UBAP1L: variants seen among roughly 807,000 people sequenced by gnomAD.
UBAP1L encodes ubiquitin-associated protein 1-like.
Under a neutral mutation model 32.1 loss-of-function variants are expected in UBAP1L, and 32 were observed. The observed-to-expected ratio is 1.00, with a 90% CI of 0.75 to 1.34. The LOEUF (loss-of-function observed/expected upper bound fraction) is 1.34, where lower values mean the gene tolerates loss of function less well. Ranked by LOEUF, UBAP1L falls within the 40% of genes most tolerant of loss-of-function variation. The pLI is 0.00. For synonymous variants in UBAP1L, 243 were observed against 250.2 expected (o/e 0.97, Z 0.27); for missense variants, 516 against 540.5 (o/e 0.95, Z 0.45).
chr15:65,109,355 C>T lies in UBAP1L; in HGVS notation c.-173-2967G>A, dbSNP rs544201740. Among the ~76,000 whole-genome samples the T allele has an allele frequency of 2.7e-3, 400 of 148,752 alleles. 1 individual carries two copies. Among genetic ancestry groups the T allele is most frequent in the Non-Finnish European group, 4.3e-3 (287 of 66,502 alleles). ...AAAATTAGCTGGGCATAGTGGTGGG[C>T]GCCTGTAGTCCCAGCTACTCAGGAG... On this transcript the variant is annotated intron_variant, in intron 1 of 5. Transcript: ENST00000559089.
Position 65,092,848 on chromosome 15 carries a change from T to G in UBAP1L, c.*249A>C. ...CAGTGTAAAGAGTCAAATCAGGTGG[T>G]TTCACAGGCATGCATGAAGAACATA... On this transcript the variant is annotated 3_prime_UTR_variant, in exon 6 of 6. Transcript: ENST00000559089. 1 of 529,194 alleles carries G rather than the reference T, an allele frequency of 1.9e-6. No homozygotes were observed. Among genetic ancestry groups the G allele is most frequent in the Non-Finnish European group, 3.3e-6 (1 of 305,244 alleles). 32.8% of individuals were successfully genotyped at this position (529,194 alleles called of 1,614,324 possible). A position where few individuals can be genotyped will look rare whatever the true frequency, so the allele number is the denominator to read the frequency against.
Position 65,094,472 on chromosome 15 carries a change from G to A in UBAP1L, c.1011+3C>T. 6.5e-7 allele frequency: 1 copy of A among 1,548,764 alleles called. No homozygotes were observed. The highest frequency in any genetic ancestry group is 8.7e-7 in the Non-Finnish European group (1 of 1,145,378). On this transcript the variant is annotated splice_donor_region_variant and intron_variant, in intron 5 of 5. Coordinates refer to ENST00000559089, the MANE Select transcript of UBAP1L (RefSeq NM_001163692.2). The surrounding 1 kb of genome is among the most constrained non-coding windows in gnomAD (Gnocchi z 4.2). The stretch of plus-strand genomic sequence containing the variant: ...TGGGGCCCTGGCAGGAAGCCCTGCT[G>A]ACCTGGCTCTCGGAGAACTGGAACA...
At chr15:65,093,970 C>T (rs907778451) in intron 5 of UBAP1L, among the ~76,000 whole-genome samples, 3 of 152,200 alleles carry the variant, frequency 2.0e-5, no homozygotes, top group Non-Finnish European at 4.4e-5. Flanking sequence ...TTGCTTGAAC[C>T]TCGGGGGCAG....
intron 2 of UBAP1L, 138 bp downstream of exon 2, chr15:65,105,958 T>G: frequency 7.9e-7 from 1 of 1,269,664 alleles, no homozygotes; most frequent in East Asian, 2.5e-5. Context: ...ACCCAGCTAA[T>G]TTTTTGTATT....
chr15:65,106,248 T>C lies in UBAP1L; in HGVS notation c.-33A>G. On this transcript the variant is annotated 5_prime_UTR_variant, in exon 2 of 6. Transcript: ENST00000559089. Reference sequence around the variant, plus strand: ...GGAGTGTGGAGATGGCTGGCAGGGCTGGGGCAGGCTGCTTGATGGCAGGGA... The same window carrying C: ...GGAGTGTGGAGATGGCTGGCAGGGCCGGGGCAGGCTGCTTGATGGCAGGGA... The C allele has an allele frequency of 6.6e-7, 1 of 1,513,710 alleles. No homozygotes were observed. 93.8% of individuals were successfully genotyped at this position (1,513,710 alleles called of 1,614,324 possible). A position where few individuals can be genotyped will look rare whatever the true frequency, so the allele number is the denominator to read the frequency against.
Position 65,099,690 on chromosome 15 carries a change from G to A in UBAP1L, c.724C>T (p.Pro242Ser). Residue 242 changes from proline (P) to serine (S), a missense_variant, in exon 4 of 6, where the codon CCA becomes TCA. Coordinates refer to ENST00000559089, the MANE Select transcript of UBAP1L (RefSeq NM_001163692.2). ...GGTTGGGGTGCCCCCCCAAGAGGTG[G>A]CAGACAGGTGTACGGGCTGAGGGAC... ...VASLSPYTCL[P>S]PLGGAPQPLN... 2 of 1,550,866 alleles carry A rather than the reference G, an allele frequency of 1.3e-6. No individual in the cohort carries two copies. Among genetic ancestry groups the A allele is most frequent in the Admixed American group, 3.9e-5 (2 of 50,990 alleles).
In UBAP1L at chr15:65,094,190, A is replaced by G. The variant is rs2087148970; in HGVS notation, c.1011+285T>C. ...ACAAAGAGTGGCCATTCAGTCACAG[A>G]GGCTGTGTTGATTAAGTCTAATAAA... On this transcript the variant is annotated intron_variant, in intron 5 of 5. Coordinates refer to ENST00000559089, the MANE Select transcript of UBAP1L (RefSeq NM_001163692.2). The surrounding 1 kb of genome is among the most constrained non-coding windows in gnomAD (Gnocchi z 4.2). Among the ~76,000 whole-genome samples, 1 of 152,168 alleles carries G rather than the reference A, an allele frequency of 6.6e-6. No homozygotes were observed. The highest frequency in any genetic ancestry group is 2.4e-5 in the African/African-American group (1 of 41,424).
chr15:65,100,441 G>A (rs1423900418), intron 3 of UBAP1L: 1 of 152,266 alleles, frequency 6.6e-6, no homozygotes, highest in Non-Finnish European at 1.5e-5. Context: ...ATGAGCAGGG[G>A]TAGGTCTTCC....
chr15:65,104,240 C>T (rs544668670), intron 2 of UBAP1L, among the ~76,000 whole-genome samples: 8 of 144,120 alleles, frequency 5.6e-5, no homozygotes, highest in Admixed American at 1.4e-4. Flanking sequence ...GGCGACAAAG[C>T]GAGACTCTGT....
chr15:65,103,684 C>G (rs2087270014), intron 2 of UBAP1L, among the ~76,000 whole-genome samples: 1 of 152,178 alleles, frequency 6.6e-6, no homozygotes, highest in South Asian at 2.1e-4. Context: ...TCCCTGAGTT[C>G]CTCTCTGTAT....
chr15:65,108,569 A>T (rs530713075), intron 1 of UBAP1L, among the ~76,000 whole-genome samples: 2 of 151,810 alleles, frequency 1.3e-5, no homozygotes, highest in Non-Finnish European at 2.9e-5. Flanking sequence ...ACAAAGCAAG[A>T]CCCCTATCTC....
At chr15:65,095,576 G>C (rs2087163908) in intron 4 of UBAP1L, 1 of 152,256 alleles carries the variant, frequency 6.6e-6, no homozygotes, top group South Asian at 2.1e-4. Context: ...CTTAGTGGGG[G>C]AGATAAACCA....
intron 4 of UBAP1L, 144 bp downstream of exon 4, chr15:65,099,361 C>T (rs780410889): frequency 8.2e-6 from 7 of 849,938 alleles, no homozygotes; most frequent in African/African-American, 1.7e-5. Context: ...TTAGGACAAC[C>T]CTGAGGGGCC....
At position 65,102,510 on chromosome 15, in the gene UBAP1L, C is replaced by T. The variant is rs377016299; in HGVS notation, c.295G>A (p.Ala99Thr). Residue 99 changes from alanine (A) to threonine (T), a missense_variant, in exon 3 of 6, where the codon GCC becomes ACC. Coordinates refer to ENST00000559089, the MANE Select transcript of UBAP1L (RefSeq NM_001163692.2). The surrounding 1 kb of genome is among the most constrained non-coding windows in gnomAD (Gnocchi z 5.0). ...TCCTCCGGCCTCTCCTGGTGTCCGG[C>T]CTCCGGGTCTCTGATTGTGGTGGGC... The part of the protein sequence containing the change: ...PAPTTIRDPE[A>T]GHQERPEEEG... 27 of 1,476,420 alleles carry T rather than the reference C, an allele frequency of 1.8e-5. No individual in the cohort carries two copies. In the African/African-American group the frequency reaches 3.9e-4, roughly 21 times the overall value. The allele number at this position is 1,476,420 out of a possible 1,614,324, so 91.5% of individuals were successfully genotyped here.
At chr15:65,098,618 G>T (rs948293731) in intron 4 of UBAP1L, 4 of 152,124 alleles carry the variant, frequency 2.6e-5, no homozygotes, top group Non-Finnish European at 5.9e-5. Flanking sequence ...CCTTACTCTT[G>T]GAACCAAGTA....
intron 1 of UBAP1L, among the ~76,000 whole-genome samples, chr15:65,109,378 G>C (rs1442725865): frequency 6.7e-6 from 1 of 149,316 alleles, no homozygotes; most frequent in Non-Finnish European, 1.5e-5. Context: ...AGCTACTCAG[G>C]AGGCTGAGGC....
chr15:65,108,974 T>C (rs1278406069), intron 1 of UBAP1L, among the ~76,000 whole-genome samples: 1 of 151,100 alleles, frequency 6.6e-6, no homozygotes, highest in Non-Finnish European at 1.5e-5. Flanking sequence ...CTGGCCAACA[T>C]GGTGAAACCC....
At chr15:65,099,738 T>A in intron 3 of UBAP1L, 24 bp from the exon 4 acceptor site, 2 of 1,528,596 alleles carry the variant, frequency 1.3e-6, no homozygotes, top group South Asian at 1.2e-5. Flanking sequence ...AGACTGGACA[T>A]GTCAGTTACT....
Position 65,094,389 on chromosome 15 carries a change from G to A in UBAP1L, c.1011+86C>T, listed in dbSNP as rs2087150918. 1.1e-6 allele frequency: 1 copy of A among 909,700 alleles called. No homozygotes were observed. The allele number at this position is 909,700 out of a possible 1,614,324, so 56.4% of individuals were successfully genotyped here. On this transcript the variant is annotated intron_variant, in intron 5 of 5. Transcript: ENST00000559089. This position sits in a 1 kb window ranked among gnomAD's most constrained non-coding sequence, Gnocchi z 4.2. ...GGCTGGACCCACAGACTGGCTCTGA[G>A]GACTGGTGTGGCCCTGCACACCGGG...
Sources: gnomAD v4.1 joint callset for allele counts (sites outside exome capture counted in the v4.1 genomes callset) on GRCh38, gnomAD v4.1.1 for gene constraint, Gnocchi (gnomAD v3.1) non-coding constraint, MANE v1.5 for transcripts, NCBI Gene and HGNC (gene_info 2026-07-23, HGNC 2026-07-21) for gene names.